DLC1: variants seen among roughly 807,000 people sequenced by gnomAD.
The protein encoded by DLC1 is DLC1 Rho GTPase activating protein, also known as rho GTPase-activating protein 7.
A neutral mutation model predicts 140.3 loss-of-function variants in DLC1; 54 were observed. The ratio of observed to expected loss-of-function variants is 0.38; its 90% CI spans 0.31 to 0.48. The LOEUF is 0.48. Among genes scored for constraint, DLC1 ranks in the 20% least tolerant of loss-of-function variants. The probability of loss-of-function intolerance (pLI) is 0.96; values close to 1 mark genes in which losing one functional copy is unlikely to be tolerated. For missense variants in DLC1, 2,536 were observed against 1,907.0 expected (o/e 1.33, Z -6.14); for synonymous variants, 986 against 728.1 (o/e 1.35, Z -5.70).
intron 1 of DLC1, among the ~76,000 whole-genome samples, chr8:13,575,815 CATT>C (rs1804817466): frequency 1.3e-5 from 2 of 152,268 alleles, no homozygotes; most frequent in South Asian, 4.1e-4. Flanking sequence ...GTGCCTTGGT[CATT>C]ATGAACAATA....
At chr8:13,270,068 A>AG (rs1830868586) in intron 5 of DLC1, among the ~76,000 whole-genome samples, 2 of 152,044 alleles carry the variant, frequency 1.3e-5, no homozygotes, top group African/African-American at 4.8e-5. Flanking sequence ...AAAAAAAAAA[A>AG]AAAAGAAATT....
chr8:13,150,497 G>T (rs1823725938), intron 5 of DLC1, among the ~76,000 whole-genome samples: 1 of 152,030 alleles, frequency 6.6e-6, no homozygotes, highest in Non-Finnish European at 1.5e-5. Flanking sequence ...CTTATCATGT[G>T]ACTCCCTGGT....
chr8:13,152,542 C>T (rs772414043), intron 5 of DLC1, among the ~76,000 whole-genome samples: 4 of 151,962 alleles, frequency 2.6e-5, no homozygotes, highest in African/African-American at 9.7e-5. Context: ...TGTGCTAATG[C>T]CATTCAAATA....
chr8:13,479,824 A>G (rs1467967848), intron 2 of DLC1, among the ~76,000 whole-genome samples: 3 of 81,246 alleles, frequency 3.7e-5, no homozygotes, highest in African/African-American at 1.5e-4. Context: ...GAAGAAGAAG[A>G]AGAAGAAGAA....
chr8:13,327,543 C>G (rs1472130123), intron 4 of DLC1, among the ~76,000 whole-genome samples: 1 of 150,922 alleles, frequency 6.6e-6, no homozygotes, highest in Non-Finnish European at 1.5e-5. Context: ...TGGTCTTGAA[C>G]TCCTGGGTTC....
chr8:13,573,829 T>C (rs1234698850), intron 1 of DLC1, among the ~76,000 whole-genome samples: 2 of 152,212 alleles, frequency 1.3e-5, no homozygotes, highest in Non-Finnish European at 2.9e-5. Context: ...ATGACATTAA[T>C]ATAAAATTTA....
intron 3 of DLC1, among the ~76,000 whole-genome samples, chr8:13,397,758 C>T (rs953600230): frequency 1.3e-5 from 2 of 151,950 alleles, no homozygotes; most frequent in African/African-American, 4.8e-5. Context: ...ATTGCTTGAG[C>T]CCAGGAGTTT....
In DLC1 at chr8:13,173,216, G is replaced by A. The variant is rs533636307; in HGVS notation, c.1349-57559C>T. 8.5e-5 allele frequency among the ~76,000 whole-genome samples: 13 copies of A among 152,274 alleles called. No homozygotes were observed. The East Asian group carries it at 2.3e-3, about 27-fold the overall frequency. ...GCTTCTTGCAAACCAGTGAAGGAAA[G>A]TCTCCTCTGGGCAGGATCCAGGTCT... On this transcript the variant is annotated intron_variant, in intron 5 of 17. Coordinates refer to ENST00000276297, the MANE Select transcript of DLC1 (RefSeq NM_182643.3).
intron 4 of DLC1, among the ~76,000 whole-genome samples, chr8:13,343,584 T>G (rs1671343): frequency 2.0e-5 from 3 of 152,034 alleles, no homozygotes; most frequent in Non-Finnish European, 2.9e-5. Context: ...ACAGCAGATA[T>G]TGTTGTTATC....
chr8:13,123,100 T>TC (rs1821241724), intron 5 of DLC1, among the ~76,000 whole-genome samples: 1 of 152,164 alleles, frequency 6.6e-6, no homozygotes, highest in Non-Finnish European at 1.5e-5. Context: ...GGACCCTCTA[T>TC]CCTCCACTTA....
intron 2 of DLC1, among the ~76,000 whole-genome samples, chr8:13,498,484 G>GAT (rs938132741): frequency 9.2e-5 from 14 of 152,190 alleles, no homozygotes; most frequent in African/African-American, 2.6e-4. Context: ...CAGAGACTAT[G>GAT]ATATATATAT....
chr8:13,518,394 C>T (rs562199674), upstream of DLC1, among the ~76,000 whole-genome samples: 2 of 152,260 alleles, frequency 1.3e-5, no homozygotes, highest in East Asian at 1.9e-4. Flanking sequence ...GAGGCGTGAG[C>T]CACTGTGCCT....
intron 5 of DLC1, among the ~76,000 whole-genome samples, chr8:13,282,987 A>G (rs1831415633): frequency 6.6e-6 from 1 of 152,198 alleles, no homozygotes; most frequent in African/African-American, 2.4e-5. Context: ...CTTTTGGATT[A>G]TAACAATTAT....
intron 5 of DLC1, among the ~76,000 whole-genome samples, chr8:13,185,222 T>C (rs1201070583): frequency 6.6e-6 from 1 of 150,456 alleles, no homozygotes; most frequent in Non-Finnish European, 1.5e-5. Context: ...ATGGGTCTCC[T>C]GAATATAGTA....
chr8:13,156,559 C>A (rs577293816), intron 5 of DLC1, among the ~76,000 whole-genome samples: 2 of 152,166 alleles, frequency 1.3e-5, no homozygotes, highest in African/African-American at 4.8e-5. Context: ...GAGTCATTGG[C>A]GGGCTGCGCA....
chr8:13,112,306 G>T (rs1219735530), intron 6 of DLC1, among the ~76,000 whole-genome samples: 1 of 152,056 alleles, frequency 6.6e-6, no homozygotes, highest in Non-Finnish European at 1.5e-5. Context: ...TGTTTTTATT[G>T]TTTCTTATGA....
intron 4 of DLC1, among the ~76,000 whole-genome samples, chr8:13,311,076 C>T (rs1464548329): frequency 1.3e-5 from 2 of 152,142 alleles, no homozygotes; most frequent in African/African-American, 4.8e-5. Context: ...CACTAGGATA[C>T]ATAATTATAA....
At chr8:13,336,676 A>C (rs1286254982) in intron 4 of DLC1, among the ~76,000 whole-genome samples, 3 of 152,028 alleles carry the variant, frequency 2.0e-5, no homozygotes, top group Non-Finnish European at 4.4e-5. Flanking sequence ...CCTGCCTTCA[A>C]CCTCCCCTTC....
chr8:13,137,209 T>G (rs187172502), intron 5 of DLC1, among the ~76,000 whole-genome samples: 20 of 152,316 alleles, frequency 1.3e-4, no homozygotes, highest in Admixed American at 9.1e-4. Context: ...GGCCCCTCAG[T>G]GTCCTTCCTC....
Sources: gnomAD v4.1 joint callset for allele counts (sites outside exome capture counted in the v4.1 genomes callset) on GRCh38, gnomAD v4.1.1 for gene constraint, MANE v1.5 for transcripts, NCBI Gene and HGNC (gene_info 2026-07-23, HGNC 2026-07-21) for gene names.